The following ST18 variants were observed in gnomAD, a reference collection of about 807,000 sequenced individuals.
ST18 encodes suppression of tumorigenicity 18 protein.
A neutral mutation model predicts 110.0 loss-of-function variants in ST18; 50 were observed. The observed-to-expected ratio is 0.45, with a 90% CI of 0.36 to 0.58. The LOEUF (loss-of-function observed/expected upper bound fraction) is 0.58. Ranked by LOEUF, ST18 falls within the 20% of genes least tolerant of loss-of-function variation. The pLI is 0.00. For synonymous variants in ST18, 461 were observed against 452.4 expected, an observed-to-expected ratio of 1.02 and a Z score of -0.24; for missense variants, 1,306 against 1,280.1, an observed-to-expected ratio of 1.02 and a Z score of -0.31.
chr8:52,387,101 C>G (rs1023997953), intron 2 of ST18, among the ~76,000 whole-genome samples: 1 of 151,964 alleles, frequency 6.6e-6, no homozygotes, highest in Non-Finnish European at 1.5e-5. Flanking sequence ...TCCTCTTTCT[C>G]TCTCTTAGCT....
At chr8:52,222,491 A>G (rs2136431594) in intron 3 of ST18, among the ~76,000 whole-genome samples, 1 of 152,342 alleles carries the variant, frequency 6.6e-6, no homozygotes, top group African/African-American at 2.4e-5. Flanking sequence ...AAGGCAGCAC[A>G]GCTGAGATCG....
intron 23 of ST18, among the ~76,000 whole-genome samples, chr8:52,121,993 A>G (rs1235284124): frequency 6.6e-6 from 1 of 151,928 alleles, no homozygotes; most frequent in Non-Finnish European, 1.5e-5. Flanking sequence ...CTACAGGCGT[A>G]CGCCACCATG....
chr8:52,261,547 A>G (rs148238362), intron 2 of ST18, among the ~76,000 whole-genome samples: 4,014 of 152,312 alleles, frequency 0.026, 81 homozygotes, highest in Middle Eastern at 0.088. Context: ...ATCAGATTTT[A>G]CGATTCTGGT....
At chr8:52,297,437 T>A (rs2095652615) in intron 2 of ST18, among the ~76,000 whole-genome samples, 1 of 152,254 alleles carries the variant, frequency 6.6e-6, no homozygotes. Context: ...ATTTACATGT[T>A]AATTCCTAAC....
intron 15 of ST18, among the ~76,000 whole-genome samples, chr8:52,155,389 G>A (rs750638884): frequency 1.2e-4 from 19 of 152,112 alleles, no homozygotes; most frequent in Admixed American, 2.6e-4. Flanking sequence ...ATGTTGGATT[G>A]TATTTTAACA....
chr8:52,300,015 C>A (rs1278034229), intron 2 of ST18, among the ~76,000 whole-genome samples: 4 of 152,202 alleles, frequency 2.6e-5, no homozygotes, highest in Non-Finnish European at 2.9e-5. Context: ...TCTTAGGGCA[C>A]AAGTTGCTTT....
At chr8:52,367,267 C>CACACACACACACACAG (rs1399409791) in intron 2 of ST18, among the ~76,000 whole-genome samples, 2 of 151,162 alleles carry the variant, frequency 1.3e-5, no homozygotes, top group Non-Finnish European at 3.0e-5. Flanking sequence ...CACACACACA[C>CACACACACACACACAG]ACAAAGATTT....
chr8:52,134,171 A>G (rs951725674), intron 19 of ST18, among the ~76,000 whole-genome samples: 1 of 152,200 alleles, frequency 6.6e-6, no homozygotes. Context: ...GAACCTCAAT[A>G]ATTTGCACCT....
At chr8:52,241,559 T>C (rs142776081) in intron 2 of ST18, among the ~76,000 whole-genome samples, 85 of 152,344 alleles carry the variant, frequency 5.6e-4, no homozygotes, top group African/African-American at 2.0e-3. Flanking sequence ...TGCCTACATA[T>C]CACTTTCTTC....
chr8:52,165,053 A>G (rs1046122032), intron 12 of ST18, 82 bp downstream of exon 12: 3 of 1,360,738 alleles, frequency 2.2e-6, no homozygotes, highest in African/African-American at 2.9e-5. Flanking sequence ...TTCATCACAC[A>G]TTGGTAACCC....
chr8:52,283,199 G>A (rs2139188765), intron 2 of ST18, among the ~76,000 whole-genome samples: 1 of 152,324 alleles, frequency 6.6e-6, no homozygotes, highest in South Asian at 2.1e-4. Flanking sequence ...GCTTGACAGT[G>A]GATGGAAATA....
intron 6 of ST18, among the ~76,000 whole-genome samples, chr8:52,215,238 CT>C (rs1361698809): frequency 6.6e-6 from 1 of 152,178 alleles, no homozygotes; most frequent in Non-Finnish European, 1.5e-5. Context: ...CTGCCATAGA[CT>C]TATAATAGGG....
At chr8:52,335,523 C>A (rs1025596157) in intron 2 of ST18, among the ~76,000 whole-genome samples, 4 of 152,116 alleles carry the variant, frequency 2.6e-5, no homozygotes, top group Admixed American at 6.5e-5. Flanking sequence ...AATCAAAGCA[C>A]GGATTTCATA....
chr8:52,333,497 TGAA>T (rs1810583267), intron 2 of ST18, among the ~76,000 whole-genome samples: 3 of 151,926 alleles, frequency 2.0e-5, no homozygotes, highest in African/African-American at 7.3e-5. Flanking sequence ...AAAAATGTTG[TGAA>T]GAAGAAGAAA....
chr8:52,177,531 C>T (rs1301454452), intron 9 of ST18, among the ~76,000 whole-genome samples: 1 of 151,958 alleles, frequency 6.6e-6, no homozygotes, highest in Admixed American at 6.5e-5. Flanking sequence ...CTCTTTCCTC[C>T]TAGGGGGTGG....
At chr8:52,200,571 C>T (rs538519439) in intron 8 of ST18, among the ~76,000 whole-genome samples, 3 of 152,204 alleles carry the variant, frequency 2.0e-5, no homozygotes, top group Non-Finnish European at 2.9e-5. Context: ...GGAAACTCAT[C>T]GAAGGGCTTC....
In ST18 at chr8:52,218,906, C is replaced by G. The variant is rs1039153267; in HGVS notation, c.-156-1005G>C. ...GAAGATCTGTGGCTGCTGAGAAGAG[C>G]TGCTGGGGTCCTCTCCATGAGGAAC... On this transcript the variant is annotated intron_variant, in intron 5 of 25. Coordinates refer to ENST00000689386, the MANE Select transcript of ST18 (RefSeq NM_001352837.2). Among the ~76,000 whole-genome samples, 5 of 150,454 alleles carry G rather than the reference C, an allele frequency of 3.3e-5. No homozygotes were observed. In the Admixed American group the frequency reaches 3.4e-4, roughly 10 times the overall value.
chr8:52,389,080 G>A (rs545722491), intron 2 of ST18, among the ~76,000 whole-genome samples: 33 of 152,080 alleles, frequency 2.2e-4, no homozygotes, highest in Middle Eastern at 3.4e-3. Context: ...ATGAAGCCCC[G>A]AGAGCCACAC....
chr8:52,228,526 A>C (rs947457592), intron 3 of ST18, among the ~76,000 whole-genome samples: 4 of 152,202 alleles, frequency 2.6e-5, no homozygotes, highest in Non-Finnish European at 5.9e-5. Flanking sequence ...AAGTAAAGAC[A>C]AAACCAATTT....
Sources: allele counts gnomAD v4.1 joint callset (sites outside exome capture counted in the v4.1 genomes callset), GRCh38; gene constraint gnomAD v4.1.1; transcripts MANE v1.5; gene names NCBI Gene and HGNC (gene_info 2026-07-23, HGNC 2026-07-21).